Variants in DIP2B observed in about 807,000 individuals in gnomAD.
DIP2B encodes DIP2 acetate--CoA ligase B (putative).
In DIP2B, 76 loss-of-function variants were observed where a neutral mutation model predicts 198.0. The observed-to-expected ratio is 0.38, with a 90% confidence interval of 0.32 to 0.46. DIP2B has a LOEUF of 0.46. Among genes scored for constraint, DIP2B ranks in the 20% least tolerant of loss-of-function variants. DIP2B has a pLI of 0.99. For missense variants in DIP2B, 1,559 were observed against 1,978.4 expected (o/e 0.79, Z 4.02); for synonymous variants, 701 against 739.1 (o/e 0.95, Z 0.84).
At chr12:50,595,338 G>A (rs1207965270) in intron 1 of DIP2B, among the ~76,000 whole-genome samples, 3 of 152,162 alleles carry the variant, frequency 2.0e-5, no homozygotes, top group South Asian at 4.2e-4. Context: ...TTGAGACAGG[G>A]TCTCACTCTG....
At position 50,716,958 on chromosome 12, in the gene DIP2B, CTTT is replaced by C. The variant is rs4026694; in HGVS notation, c.2852-1730_2852-1728del. On this transcript the variant is annotated intron_variant, in intron 23 of 37. Transcript: ENST00000301180. ...CCTATCCTAGATTTACGAATTGTTG[CTTT>C]TTTTTTTTTTTTTTTTTTTTGAGAC... is the stretch of plus-strand genomic sequence containing the variant. 2.4e-4 allele frequency among the ~76,000 whole-genome samples: 14 copies of C among 58,934 alleles called. No individual in the cohort carries two copies. The East Asian group carries it at 3.9e-3, about 16-fold the overall frequency. 38.7% of individuals were successfully genotyped at this position (58,934 alleles called of 152,430 possible). A position where few individuals can be genotyped will look rare whatever the true frequency, so the allele number is the denominator to read the frequency against.
chr12:50,521,632 A>G (rs558901500), intron 1 of DIP2B, among the ~76,000 whole-genome samples: 5 of 151,722 alleles, frequency 3.3e-5, no homozygotes, highest in South Asian at 4.2e-4. Flanking sequence ...AGCTAGAATT[A>G]CAGGCACCTG....
At chr12:50,740,046 C>T (rs773268388) in intron 36 of DIP2B, among the ~76,000 whole-genome samples, 1 of 152,202 alleles carries the variant, frequency 6.6e-6, no homozygotes, top group East Asian at 1.9e-4. Flanking sequence ...CAGCCTGCTT[C>T]CTGGCCAGGC....
chr12:50,520,331 C>T (rs565592659), intron 1 of DIP2B, among the ~76,000 whole-genome samples: 61 of 152,156 alleles, frequency 4.0e-4, no homozygotes, highest in African/African-American at 1.4e-3. Flanking sequence ...CCACCGTACC[C>T]GGCCTGAATC....
intron 1 of DIP2B, 29 bp downstream of exon 1, chr12:50,505,269 C>T (rs1177034535): frequency 2.8e-6 from 4 of 1,439,688 alleles, no homozygotes; most frequent in Non-Finnish European, 3.6e-6. Flanking sequence ...AGAGGGCGCC[C>T]GGGGCCCTGC....
intron 1 of DIP2B, among the ~76,000 whole-genome samples, chr12:50,613,876 G>C (rs920995696): frequency 6.6e-6 from 1 of 152,106 alleles, no homozygotes; most frequent in Non-Finnish European, 1.5e-5. Flanking sequence ...TATAAATGTT[G>C]GGCCCATGTC....
intron 1 of DIP2B, among the ~76,000 whole-genome samples, chr12:50,588,858 G>T (rs1214602001): frequency 6.6e-6 from 1 of 152,136 alleles, no homozygotes; most frequent in Non-Finnish European, 1.5e-5. Context: ...AAAATCAGTT[G>T]ATTGAATGAG....
At chr12:50,666,915 G>T (rs555566444) in intron 4 of DIP2B, among the ~76,000 whole-genome samples, 178 of 152,198 alleles carry the variant, frequency 1.2e-3, no homozygotes, top group African/African-American at 4.0e-3. Context: ...CCAGCTACTC[G>T]GGACGCTGAG....
At chr12:50,662,678 A>G (rs894966789) in intron 4 of DIP2B, among the ~76,000 whole-genome samples, 5 of 152,174 alleles carry the variant, frequency 3.3e-5, no homozygotes, top group East Asian at 1.9e-4. Context: ...TATCTCGCAT[A>G]TGTACTCTGA....
chr12:50,533,431 G>A (rs544408214), intron 1 of DIP2B, among the ~76,000 whole-genome samples: 46 of 152,232 alleles, frequency 3.0e-4, no homozygotes, highest in African/African-American at 1.1e-3. Context: ...GGGTAGCGTC[G>A]AACTAGAGTT....
intron 1 of DIP2B, among the ~76,000 whole-genome samples, chr12:50,531,866 CT>C (rs1255053458): frequency 6.6e-6 from 1 of 152,196 alleles, no homozygotes; most frequent in African/African-American, 2.4e-5. Context: ...AAAATTGCTC[CT>C]GGCCTGTAGT....
At chr12:50,610,290 G>A (rs961837661) in intron 1 of DIP2B, among the ~76,000 whole-genome samples, 8 of 152,032 alleles carry the variant, frequency 5.3e-5, no homozygotes, top group East Asian at 1.9e-4. Context: ...GAGTTTTTTT[G>A]TTACTAGGAG....
intron 23 of DIP2B, among the ~76,000 whole-genome samples, chr12:50,716,958 C>CTTTTGTTTTTTTTTTTTTTTTTTTTTT (rs1939732059): frequency 1.7e-5 from 1 of 58,924 alleles, no homozygotes; most frequent in Non-Finnish European, 3.0e-5. Context: ...CGAATTGTTG[C>CTTTTGTTTTTTTTTTTTTTTTTTTTTT]TTTTTTTTTT....
intron 1 of DIP2B, among the ~76,000 whole-genome samples, chr12:50,585,508 G>GGAA (rs774279711): frequency 2.6e-5 from 4 of 152,160 alleles, no homozygotes; most frequent in Non-Finnish European, 5.9e-5. Context: ...AATGTTGGGG[G>GGAA]GAAGAGTGTT....
At chr12:50,618,221 T>G (rs1362469893) in intron 1 of DIP2B, among the ~76,000 whole-genome samples, 5 of 152,258 alleles carry the variant, frequency 3.3e-5, no homozygotes, top group African/African-American at 4.8e-5. Context: ...GGTGGTGTTA[T>G]ATAGTGCCAT....
In DIP2B at chr12:50,601,414, G is replaced by A. The variant is rs529524728; in HGVS notation, c.101-24562G>A. On this transcript the variant is annotated intron_variant, in intron 1 of 37. Coordinates refer to ENST00000301180, the MANE Select transcript of DIP2B (RefSeq NM_173602.3). ...GACTGGAGTGCAGTGGCGCGATCTC[G>A]ACTCACTGCAAGCTCCGCCTCCCAG... is the stretch of plus-strand genomic sequence containing the variant. 7.8e-4 allele frequency among the ~76,000 whole-genome samples: 118 copies of A among 151,536 alleles called. 2 individuals are homozygous for A. Among genetic ancestry groups the A allele is most frequent in the Middle Eastern group, 6.8e-3 (2 of 294 alleles).
chr12:50,578,749 C>T (rs1958687373), intron 1 of DIP2B, among the ~76,000 whole-genome samples: 1 of 151,406 alleles, frequency 6.6e-6, no homozygotes, highest in African/African-American at 2.4e-5. Flanking sequence ...ACCTCGTGAT[C>T]TGCCCGCCTC....
chr12:50,647,928 A>G (rs937310408), intron 3 of DIP2B, among the ~76,000 whole-genome samples: 3 of 152,158 alleles, frequency 2.0e-5, no homozygotes, highest in African/African-American at 7.2e-5. Context: ...CAGCCTGACC[A>G]AACCCCGTCT....
At chr12:50,543,512 C>T (rs1452017618) in intron 1 of DIP2B, among the ~76,000 whole-genome samples, 7 of 151,816 alleles carry the variant, frequency 4.6e-5, no homozygotes, top group Non-Finnish European at 8.8e-5. Context: ...TGTTCTCGAA[C>T]TCCTGACCTC....
Sources: gnomAD v4.1 joint callset for allele counts (sites outside exome capture counted in the v4.1 genomes callset) on GRCh38, gnomAD v4.1.1 for gene constraint, MANE v1.5 for transcripts, NCBI Gene and HGNC (gene_info 2026-07-23, HGNC 2026-07-21) for gene names.